Variants in LRRTM4 observed in about 807,000 individuals in gnomAD.
The protein encoded by LRRTM4 is leucine rich repeat transmembrane neuronal 4.
Under a neutral mutation model 47.6 loss-of-function variants are expected in LRRTM4, and 25 were observed. The ratio of observed to expected loss-of-function variants is 0.53; its 90% CI spans 0.38 to 0.73. The LOEUF (loss-of-function observed/expected upper bound fraction) is 0.73, where lower values mean the gene tolerates loss of function less well. Ranked by LOEUF, LRRTM4 falls within the 30% of genes least tolerant of loss-of-function variation. The pLI is 0.00. For missense variants in LRRTM4, 638 were observed against 713.4 expected, an observed-to-expected ratio of 0.89 and a Z score of 1.20; for synonymous variants, 311 against 269.5, an observed-to-expected ratio of 1.15 and a Z score of -1.51.
intron 3 of LRRTM4, among the ~76,000 whole-genome samples, chr2:77,397,620 A>G (rs1366391728): frequency 2.0e-5 from 3 of 151,850 alleles, no homozygotes; most frequent in Non-Finnish European, 4.4e-5. Context: ...CCCTGGCCCA[A>G]GAATGTGATT....
rs116174355 is a variant in LRRTM4 at position 76,842,877 on chromosome 2, G to T, written c.1552-93961C>A. Among the ~76,000 whole-genome samples the T allele has an allele frequency of 5.9e-3, 901 of 152,126 alleles. 7 individuals are homozygous for T. Among genetic ancestry groups the T allele is most frequent in the African/African-American group, 0.02 (833 of 41,500 alleles). On this transcript the variant is annotated intron_variant, in intron 3 of 3. Transcript: ENST00000409884. The stretch of plus-strand genomic sequence containing the variant: ...TTTCTTATGAGTGGCAAGTTATTAG[G>T]TTATATATTGCTGAGATCCACCTAT...
intron 3 of LRRTM4, among the ~76,000 whole-genome samples, chr2:77,124,007 T>C (rs890634424): frequency 1.3e-5 from 2 of 152,158 alleles, no homozygotes; most frequent in African/African-American, 4.8e-5. Flanking sequence ...TGGGCTAATG[T>C]AGACAGCGTA....
At position 77,303,298 on chromosome 2, in the gene LRRTM4, T is replaced by G. The variant is rs72809148; in HGVS notation, c.1551+215020A>C. ...ACAAACAAAAAAAAATGGTGTCCTT[T>G]CTTGTTTTCCAGAATAAAATTGATT... On this transcript the variant is annotated intron_variant, in intron 3 of 3. Transcript: ENST00000409884. 5.3e-3 allele frequency among the ~76,000 whole-genome samples: 805 copies of G among 152,296 alleles called. 4 individuals are homozygous for G. The highest frequency in any genetic ancestry group is 8.4e-3 in the Non-Finnish European group (570 of 68,024).
At chr2:76,871,053 C>G (rs1033104496) in intron 3 of LRRTM4, among the ~76,000 whole-genome samples, 1 of 152,082 alleles carries the variant, frequency 6.6e-6, no homozygotes, top group Non-Finnish European at 1.5e-5. Context: ...AGTATGATGT[C>G]TATTATAAAA....
chr2:77,373,998 G>C (rs2103776014), intron 3 of LRRTM4, among the ~76,000 whole-genome samples: 1 of 151,886 alleles, frequency 6.6e-6, no homozygotes, highest in Middle Eastern at 3.4e-3. Context: ...CTGGAAATGA[G>C]AGACTGGACA....
chr2:77,068,298 T>A lies in LRRTM4; in HGVS notation c.1552-319382A>T, dbSNP rs555721790. Among the ~76,000 whole-genome samples the A allele has an allele frequency of 7.9e-5, 12 of 152,308 alleles. No homozygotes were observed. The East Asian group carries it at 2.3e-3, about 29-fold the overall frequency. On this transcript the variant is annotated intron_variant, in intron 3 of 3. Transcript: ENST00000409884. The stretch of plus-strand genomic sequence containing the variant: ...GTTCTTAATGCTTCCTGTTTTTTTT[T>A]AAATTGAGATACACATCACATACCA...
chr2:77,157,770 C>G lies in LRRTM4; in HGVS notation c.1551+360548G>C, dbSNP rs2204857. The stretch of plus-strand genomic sequence containing the variant: ...CCCACCACTTGAGGTCTTGCTGAAA[C>G]GATTGAACCTGAGTGTGATCAGGAC... On this transcript the variant is annotated intron_variant, in intron 3 of 3. Transcript: ENST00000409884. Among the ~76,000 whole-genome samples the G allele has an allele frequency of 2.8e-3, 419 of 152,182 alleles. 1 individual carries two copies. The highest frequency in any genetic ancestry group is 6.8e-3 in the Middle Eastern group (2 of 294).
chr2:76,780,505 C>A (rs982863623), intron 3 of LRRTM4, among the ~76,000 whole-genome samples: 1 of 152,044 alleles, frequency 6.6e-6, no homozygotes, highest in African/African-American at 2.4e-5. Flanking sequence ...TCATTTCATT[C>A]ATTTCATCTT....
intron 3 of LRRTM4, among the ~76,000 whole-genome samples, chr2:76,936,750 T>C (rs1674964412): frequency 6.7e-6 from 1 of 149,792 alleles, no homozygotes. Flanking sequence ...AGGTCAGGAG[T>C]TGGAGACCAG....
chr2:76,801,694 C>A (rs1444968707), intron 3 of LRRTM4, among the ~76,000 whole-genome samples: 1 of 151,890 alleles, frequency 6.6e-6, no homozygotes, highest in Non-Finnish European at 1.5e-5. Context: ...AGGTTAACAT[C>A]CCTGGTGAAC....
chr2:77,266,112 A>T (rs1001229535), intron 3 of LRRTM4, among the ~76,000 whole-genome samples: 1 of 152,178 alleles, frequency 6.6e-6, no homozygotes, highest in Admixed American at 6.5e-5. Context: ...TTTGTACTGT[A>T]ATAGCAGAGT....
intron 3 of LRRTM4, among the ~76,000 whole-genome samples, chr2:77,478,749 G>A (rs1356364706): frequency 6.6e-6 from 1 of 152,120 alleles, no homozygotes; most frequent in Non-Finnish European, 1.5e-5. Context: ...ACCTGTAAGT[G>A]GTCTTTGATG....
At chr2:76,788,007 A>T (rs1674771958) in intron 3 of LRRTM4, among the ~76,000 whole-genome samples, 1 of 152,176 alleles carries the variant, frequency 6.6e-6, no homozygotes, top group Non-Finnish European at 1.5e-5. Context: ...CAAAGTTAAT[A>T]TATGTAAAAA....
intron 3 of LRRTM4, among the ~76,000 whole-genome samples, chr2:77,455,622 C>T: frequency 6.6e-6 from 1 of 152,032 alleles, no homozygotes; most frequent in South Asian, 2.1e-4. Flanking sequence ...TCCTGCACCT[C>T]TCTCACCATT....
chr2:77,152,066 T>C (rs1672445280), intron 3 of LRRTM4, among the ~76,000 whole-genome samples: 1 of 152,184 alleles, frequency 6.6e-6, no homozygotes, highest in African/African-American at 2.4e-5. Flanking sequence ...CAGGTTTCTC[T>C]GATTAATTTT....
In LRRTM4 at chr2:76,887,956, TTA is replaced by T. The variant is rs546043634; in HGVS notation, c.1552-139042_1552-139041del. Among the ~76,000 whole-genome samples the T allele has an allele frequency of 2.3e-3, 344 of 151,026 alleles. 1 individual carries two copies. The highest frequency in any genetic ancestry group is 8.0e-3 in the African/African-American group (330 of 41,428). On this transcript the variant is annotated intron_variant, in intron 3 of 3. Coordinates refer to ENST00000409884, the MANE Select transcript of LRRTM4 (RefSeq NM_001134745.3). ...GTATATGCACTTTGAACTGAATCTT[TTA>T]TATGTTTCTCTCTGTATATATTTAT...
At chr2:77,207,372 TACACACAC>T (rs66858623) in intron 3 of LRRTM4, among the ~76,000 whole-genome samples, 12 of 131,090 alleles carry the variant, frequency 9.2e-5, no homozygotes, top group African/African-American at 2.9e-4. Flanking sequence ...TATATATATA[TACACACAC>T]ACATATTTAT....
chr2:77,035,374 T>C (rs904493761), intron 3 of LRRTM4, among the ~76,000 whole-genome samples: 1 of 151,878 alleles, frequency 6.6e-6, no homozygotes, highest in East Asian at 1.9e-4. Flanking sequence ...AACCTGGCTA[T>C]TGACATTGGT....
chr2:76,749,537 T>A (rs1425742983), intron 3 of LRRTM4, among the ~76,000 whole-genome samples: 1 of 152,158 alleles, frequency 6.6e-6, no homozygotes, highest in East Asian at 1.9e-4. Flanking sequence ...ATATCAATAC[T>A]GGACCAAAGA....
Sources: allele counts gnomAD v4.1 joint callset (sites outside exome capture counted in the v4.1 genomes callset), GRCh38; gene constraint gnomAD v4.1.1; transcripts MANE v1.5; gene names NCBI Gene and HGNC (gene_info 2026-07-23, HGNC 2026-07-21).